AFF3: variants seen among roughly 807,000 people sequenced by gnomAD.
The protein encoded by AFF3 is AF4/FMR2 family member 3.
Under a neutral mutation model 129.7 loss-of-function variants are expected in AFF3, and 32 were observed. That is an observed-to-expected ratio of 0.25 (90% CI 0.19 to 0.33). The LOEUF (loss-of-function observed/expected upper bound fraction) is 0.33. Ranked by LOEUF, AFF3 falls within the 10% of genes least tolerant of loss-of-function variation. The pLI, the probability that AFF3 is intolerant of heterozygous loss-of-function variation, is 1.00. For synonymous variants in AFF3, 644 were observed against 635.4 expected (o/e 1.01, Z -0.20); for missense variants, 1,373 against 1,592.0 (o/e 0.86, Z 2.34).
At chr2:100,065,331 G>A (rs1369390068) in intron 4 of AFF3, among the ~76,000 whole-genome samples, 1 of 152,094 alleles carries the variant, frequency 6.6e-6, no homozygotes, top group South Asian at 2.1e-4. Flanking sequence ...TGAAATAAGG[G>A]TTAACATAAA....
chr2:99,988,646 C>T (rs1680079615), intron 7 of AFF3, among the ~76,000 whole-genome samples: 1 of 152,146 alleles, frequency 6.6e-6, no homozygotes, highest in African/African-American at 2.4e-5. Flanking sequence ...AGATTAGTAA[C>T]ATATATTTGG....
chr2:100,087,208 T>C (rs1308387769), intron 4 of AFF3, among the ~76,000 whole-genome samples: 1 of 152,202 alleles, frequency 6.6e-6, no homozygotes, highest in African/African-American at 2.4e-5. Flanking sequence ...GTTTCAGACA[T>C]TTATTTGGTC....
chr2:99,920,332 A>C (rs1558976106), intron 7 of AFF3, among the ~76,000 whole-genome samples: 1 of 151,164 alleles, frequency 6.6e-6, no homozygotes, highest in African/African-American at 2.4e-5. Flanking sequence ...GAAACATATA[A>C]AAAAAAATAT....
chr2:99,915,374 C>T (rs534289290), intron 7 of AFF3, among the ~76,000 whole-genome samples: 26 of 152,184 alleles, frequency 1.7e-4, no homozygotes, highest in African/African-American at 5.3e-4. Flanking sequence ...CATCACTACA[C>T]GTTATTTATA....
At chr2:100,027,691 C>T (rs1559069725) in intron 4 of AFF3, among the ~76,000 whole-genome samples, 1 of 152,044 alleles carries the variant, frequency 6.6e-6, no homozygotes, top group Non-Finnish European at 1.5e-5. Context: ...GTTTGATAAA[C>T]AAGTTATTAT....
chr2:100,008,551 T>C (rs1682195395), intron 5 of AFF3, among the ~76,000 whole-genome samples: 1 of 152,212 alleles, frequency 6.6e-6, no homozygotes, highest in African/African-American at 2.4e-5. Flanking sequence ...TCTGTATTAT[T>C]GATAAAAATC....
chr2:100,056,739 T>C (rs956117808), intron 4 of AFF3, among the ~76,000 whole-genome samples: 3 of 152,224 alleles, frequency 2.0e-5, no homozygotes, highest in Admixed American at 6.5e-5. Flanking sequence ...ATACCATCTG[T>C]TCTAAATAAG....
At chr2:99,594,914 C>G (rs1213483904) in intron 14 of AFF3, among the ~76,000 whole-genome samples, 1 of 152,204 alleles carries the variant, frequency 6.6e-6, no homozygotes, top group African/African-American at 2.4e-5. Flanking sequence ...TATCCTCAAC[C>G]TGCTTCCATC....
chr2:99,969,524 T>C (rs945470688), intron 7 of AFF3, among the ~76,000 whole-genome samples: 11 of 149,500 alleles, frequency 7.4e-5, no homozygotes, highest in South Asian at 2.1e-4. Context: ...GTTTCACTCT[T>C]GTTGCCCAGG....
rs201191347 is a variant in AFF3, at chr2:99,654,084, TAGTC to T, written c.1144-4422_1144-4419del. Among the ~76,000 whole-genome samples the T allele has an allele frequency of 5.7e-3, 868 of 152,296 alleles. 6 individuals carry two copies. Among genetic ancestry groups the T allele is most frequent in the African/African-American group, 0.02 (824 of 41,562 alleles). Reference sequence around the variant, plus strand: ...TAGTAGAGACGGGGTTTCACTGTGTTAGTCAGGCTGGTCTCGAATTCCTGACCTC... The same window carrying T: ...TAGTAGAGACGGGGTTTCACTGTGTTAGGCTGGTCTCGAATTCCTGACCTC... On this transcript the variant is annotated intron_variant, in intron 12 of 24. Transcript: ENST00000672756.
At chr2:99,958,112 A>C (rs1263838707) in intron 7 of AFF3, among the ~76,000 whole-genome samples, 1 of 152,206 alleles carries the variant, frequency 6.6e-6, no homozygotes, top group Admixed American at 6.5e-5. Flanking sequence ...AAGACCGAAC[A>C]GACAGACAGG....
chr2:99,761,934 T>TCCC (rs1682633879), intron 8 of AFF3, among the ~76,000 whole-genome samples: 1 of 152,028 alleles, frequency 6.6e-6, no homozygotes, highest in Non-Finnish European at 1.5e-5. Flanking sequence ...TACACTGTCT[T>TCCC]CCCCAAGCCT....
At chr2:100,034,314 C>A (rs1302936506) in intron 4 of AFF3, among the ~76,000 whole-genome samples, 2 of 151,886 alleles carry the variant, frequency 1.3e-5, no homozygotes, top group South Asian at 4.2e-4. Flanking sequence ...AAATAAAATG[C>A]CAAAGTATTA....
chr2:99,947,629 T>C (rs150598002), intron 7 of AFF3, among the ~76,000 whole-genome samples: 3,745 of 142,000 alleles, frequency 0.026, 215 homozygotes, highest in African/African-American at 0.11. Flanking sequence ...GATAGATAGA[T>C]AGATAGATAG....
intron 7 of AFF3, among the ~76,000 whole-genome samples, chr2:99,929,918 C>CT (rs550584146): frequency 0.01 from 1,448 of 141,594 alleles, 7 homozygotes; most frequent in Middle Eastern, 0.014. Context: ...GAATTTTTAG[C>CT]TTTTTTTTTT....
At chr2:99,730,110 A>G (rs1421195514) in intron 10 of AFF3, among the ~76,000 whole-genome samples, 2 of 152,188 alleles carry the variant, frequency 1.3e-5, no homozygotes, top group Non-Finnish European at 2.9e-5. Context: ...ATTGCCTAAC[A>G]TACACTAGGT....
intron 9 of AFF3, 111 bp from the exon 10 acceptor site, chr2:99,744,251 A>G: frequency 1.2e-6 from 1 of 863,856 alleles, no homozygotes; most frequent in Middle Eastern, 3.2e-4. Context: ...ATTGCTCTCA[A>G]TCTCTATCAG....
At chr2:99,627,651 T>C (rs1682722094) in intron 13 of AFF3, among the ~76,000 whole-genome samples, 1 of 152,222 alleles carries the variant, frequency 6.6e-6, no homozygotes, top group Non-Finnish European at 1.5e-5. Context: ...CTTTGCCCAT[T>C]CATATGACCA....
At position 100,038,951 on chromosome 2, in the gene AFF3, T is replaced by C. The variant is rs1001355771; in HGVS notation, c.54-30019A>G. ...GTTGGCCAGGCTGGTCTTGAACTCC[T>C]GACATCAGGTGATCCACCTGCCTTG... is the stretch of plus-strand genomic sequence containing the variant. On this transcript the variant is annotated intron_variant, in intron 4 of 24. Transcript: ENST00000672756. 5.3e-5 allele frequency among the ~76,000 whole-genome samples: 8 copies of C among 152,288 alleles called. No individual in the cohort carries two copies. The East Asian group carries it at 1.5e-3, about 29-fold the overall frequency.
Sources: gnomAD v4.1 joint callset for allele counts (sites outside exome capture counted in the v4.1 genomes callset) on GRCh38, gnomAD v4.1.1 for gene constraint, MANE v1.5 for transcripts, NCBI Gene and HGNC (gene_info 2026-07-23, HGNC 2026-07-21) for gene names.